The following LATS1 variants were observed in gnomAD, a reference collection of about 807,000 sequenced individuals.
The protein encoded by LATS1 is serine/threonine-protein kinase LATS1.
In LATS1, 25 loss-of-function variants were observed where a neutral mutation model predicts 106.6. The observed-to-expected ratio is 0.23, with a 90% CI of 0.17 to 0.33. The LOEUF is 0.33. Among genes scored for constraint, LATS1 ranks in the 10% least tolerant of loss-of-function variants. The pLI, the probability that LATS1 is intolerant of heterozygous loss-of-function variation, is 1.00. For synonymous variants in LATS1, 465 were observed against 455.6 expected (o/e 1.02, Z -0.26); for missense variants, 1,040 against 1,382.6 (o/e 0.75, Z 3.93).
rs1782148629 is a variant in LATS1 at position 149,683,110 on chromosome 6, C to T, written c.1979G>A (p.Arg660His). The T allele has an allele frequency of 1.2e-6, 2 of 1,612,212 alleles. No homozygotes were observed. Among genetic ancestry groups the T allele is most frequent in the East Asian group, 2.2e-5 (1 of 44,866 alleles). ...CATTTCATTCTCTAATTGTTTTTTA[C>T]GATGTAGACGCTGCTGATGAGATTT... is the stretch of plus-strand genomic sequence containing the variant. ...VLKSHQQRLH[R>H]KKQLENEMMR... Residue 660 changes from arginine to histidine, a missense_variant, in exon 4 of 8, where the codon CGT becomes CAT. Coordinates refer to ENST00000543571, the MANE Select transcript of LATS1 (RefSeq NM_004690.4).
chr6:149,686,963 T>C (rs1782408387), intron 3 of LATS1, among the ~76,000 whole-genome samples: 1 of 152,204 alleles, frequency 6.6e-6, no homozygotes, highest in South Asian at 2.1e-4. Flanking sequence ...TATCTGCTCT[T>C]GTTTCAGAAT....
intron 2 of LATS1, among the ~76,000 whole-genome samples, chr6:149,695,744 C>T (rs1783026295): frequency 6.6e-6 from 1 of 150,482 alleles, no homozygotes; most frequent in Admixed American, 6.6e-5. Context: ...GCATTTTCAT[C>T]TTTATGTAAC....
At chr6:149,670,673 G>T (rs1781400141) in intron 7 of LATS1, among the ~76,000 whole-genome samples, 1 of 152,020 alleles carries the variant, frequency 6.6e-6, no homozygotes, top group South Asian at 2.1e-4. Flanking sequence ...ACAGATGCCT[G>T]CCTTTCTTTG....
At position 149,683,558 on chromosome 6, in the gene LATS1, C is replaced by T. The variant is rs775915263; in HGVS notation, c.1531G>A (p.Ala511Thr). 1 of 1,614,224 alleles carries T rather than the reference C, an allele frequency of 6.2e-7. No individual in the cohort carries two copies. Among genetic ancestry groups the T allele is most frequent in the Middle Eastern group, 1.6e-4 (1 of 6,062 alleles). Residue 511 changes from alanine (A) to threonine (T), a missense_variant, in exon 4 of 8, where the codon GCT (alanine) becomes ACT (threonine). This residue lies in a region of LATS1 where 624 missense variants were observed against 714.8 expected (regional missense o/e 0.87). Coordinates refer to ENST00000543571, the MANE Select transcript of LATS1 (RefSeq NM_004690.4). ...MRVLKPELQT[A>T]LAPTHPSWIP... is the part of the protein sequence containing the mutation. The stretch of plus-strand genomic sequence containing the variant: ...CAAGAAGGGTGTGTAGGTGCTAAAG[C>T]AGTCTGTAGCTCTGGTTTTAATACA...
At chr6:149,705,483 T>C (rs1300718223) in intron 1 of LATS1, among the ~76,000 whole-genome samples, 1 of 152,126 alleles carries the variant, frequency 6.6e-6, no homozygotes, top group Non-Finnish European at 1.5e-5. Flanking sequence ...ATTTATAGGA[T>C]CTAGGTATTC....
chr6:149,679,378 C>T (rs1781907327), intron 5 of LATS1, among the ~76,000 whole-genome samples: 1 of 151,568 alleles, frequency 6.6e-6, no homozygotes, highest in South Asian at 2.1e-4. Context: ...ATGGTGAAAC[C>T]CCATCTCTAT....
chr6:149,667,308 C>T (rs1017582859), intron 7 of LATS1, among the ~76,000 whole-genome samples: 2 of 151,488 alleles, frequency 1.3e-5, no homozygotes, highest in African/African-American at 4.9e-5. Flanking sequence ...TGGTGGTGTG[C>T]CTACAGTCCC....
intron 7 of LATS1, among the ~76,000 whole-genome samples, chr6:149,663,097 G>A (rs1780963301): frequency 1.3e-5 from 2 of 152,160 alleles, no homozygotes; most frequent in Non-Finnish European, 2.9e-5. Context: ...GGAGGCAGGG[G>A]AATTGGTATA....
At chr6:149,680,742 C>CGG (rs1554231899) in intron 4 of LATS1, among the ~76,000 whole-genome samples, 1 of 78,810 alleles carries the variant, frequency 1.3e-5, no homozygotes, top group African/African-American at 7.2e-5. Context: ...TAATGCACTC[C>CGG]GAAAAAAAAA....
chr6:149,717,729 T>G (rs1461704852), intron 1 of LATS1, 120 bp downstream of exon 1: 7 of 222,830 alleles, frequency 3.1e-5, no homozygotes, highest in Non-Finnish European at 6.5e-5. Context: ...GGGCCGGCTC[T>G]GCCCGCCAGT....
chr6:149,664,161 C>CAA (rs58373258), intron 7 of LATS1, among the ~76,000 whole-genome samples: 2 of 121,240 alleles, frequency 1.6e-5, no homozygotes, highest in African/African-American at 5.9e-5. Context: ...CAGTTTAAGG[C>CAA]AAAAAAAAAA....
intron 2 of LATS1, among the ~76,000 whole-genome samples, chr6:149,696,439 G>A (rs1247133316): frequency 1.3e-5 from 2 of 149,658 alleles, no homozygotes; most frequent in African/African-American, 2.4e-5. Flanking sequence ...GTAGTGGTAC[G>A]TGTCTATAAT....
At chr6:149,715,898 C>A (rs1042515560) in intron 1 of LATS1, among the ~76,000 whole-genome samples, 1 of 152,142 alleles carries the variant, frequency 6.6e-6, no homozygotes, top group Non-Finnish European at 1.5e-5. Flanking sequence ...AAACTGCTTA[C>A]CTTTTTAACC....
chr6:149,673,290 C>T (rs1307382700), intron 7 of LATS1, among the ~76,000 whole-genome samples: 2 of 151,438 alleles, frequency 1.3e-5, no homozygotes, highest in African/African-American at 2.4e-5. Flanking sequence ...TGTAGAGACA[C>T]GGTTGCGCCA....
In LATS1 at chr6:149,683,096, C is replaced by T; in HGVS notation, c.1993G>A (p.Glu665Lys). The T allele has an allele frequency of 6.2e-7, 1 of 1,611,886 alleles. No individual in the cohort carries two copies. Among genetic ancestry groups the T allele is most frequent in the Non-Finnish European group, 8.5e-7 (1 of 1,179,088 alleles). Residue 665 changes from glutamate (E) to lysine (K), a missense_variant, in exon 4 of 8, where the codon GAG becomes AAG. Transcript: ENST00000543571. ...QQRLHRKKQLENEMMRVGLSQ... is the reference protein window; with the variant it reads ...QQRLHRKKQLKNEMMRVGLSQ... ...GGTTTTACCCGCATCATTTCATTCTCTAATTGTTTTTTACGATGTAGACGC... is the reference window on the plus strand; with the variant it reads ...GGTTTTACCCGCATCATTTCATTCTTTAATTGTTTTTTACGATGTAGACGC...
At chr6:149,696,988 C>G (rs6908360) in intron 2 of LATS1, 1 of 492,812 alleles carries the variant, frequency 2.0e-6, no homozygotes, top group African/African-American at 2.0e-5. Flanking sequence ...GTTGGCTGCT[C>G]TCTTCCACTC....
intron 3 of LATS1, among the ~76,000 whole-genome samples, chr6:149,685,529 G>A (rs915060019): frequency 1.2e-4 from 19 of 152,014 alleles, no homozygotes; most frequent in African/African-American, 4.6e-4. Flanking sequence ...GGGACTACAG[G>A]CGCACGCCAC....
At chr6:149,709,822 TGC>T (rs1379773099) in intron 1 of LATS1, among the ~76,000 whole-genome samples, 10 of 151,848 alleles carry the variant, frequency 6.6e-5, no homozygotes, top group Admixed American at 2.0e-4. Flanking sequence ...ATTACAGGCG[TGC>T]GCTACCATGC....
chr6:149,690,397 G>T (rs2114873086), intron 3 of LATS1, among the ~76,000 whole-genome samples: 1 of 151,636 alleles, frequency 6.6e-6, no homozygotes, highest in Non-Finnish European at 1.5e-5. Flanking sequence ...ATTTTTATTA[G>T]ACACGGGGTT....
Sources: allele counts gnomAD v4.1 joint callset (sites outside exome capture counted in the v4.1 genomes callset), GRCh38; gene constraint gnomAD v4.1.1; regional missense constraint gnomAD v4.1.1; transcripts MANE v1.5; gene names NCBI Gene and HGNC (gene_info 2026-07-23, HGNC 2026-07-21).